RBPJ: variants seen among roughly 807,000 people sequenced by gnomAD.
RBPJ encodes recombination signal binding protein for immunoglobulin kappa J region, also known as recombining binding protein suppressor of hairless.
Under a neutral mutation model 67.8 loss-of-function variants are expected in RBPJ, and 9 were observed. The ratio of observed to expected loss-of-function variants is 0.13; its 90% CI spans 0.08 to 0.23. The LOEUF is 0.23. Among genes scored for constraint, RBPJ ranks in the 10% least tolerant of loss-of-function variants. The probability of loss-of-function intolerance (pLI) is 1.00; values close to 1 mark genes in which losing one functional copy is unlikely to be tolerated. For missense variants in RBPJ, 305 were observed against 595.6 expected, an observed-to-expected ratio of 0.51 and a Z score of 5.08; for synonymous variants, 198 against 203.3, an observed-to-expected ratio of 0.97 and a Z score of 0.22.
Position 26,248,150 on chromosome 4 carries a change from G to T in RBPJ, c.-167+84536G>T, listed in dbSNP as rs981949160. 3.3e-5 allele frequency among the ~76,000 whole-genome samples: 5 copies of T among 152,058 alleles called. No individual in the cohort carries two copies. In the East Asian group the frequency reaches 9.6e-4, roughly 29 times the overall value. ...TACTAAAAATACAAAAATTAGCCAGGTGTGGTGGCACACACCTGTAGTCCT... is the reference window on the plus strand; with the variant it reads ...TACTAAAAATACAAAAATTAGCCAGTTGTGGTGGCACACACCTGTAGTCCT... On this transcript the variant is annotated intron_variant, in intron 1 of 4. Coordinates refer to the RBPJ transcript ENST00000512351.
chr4:26,219,313 G>T (rs1285149105), intron 1 of RBPJ, among the ~76,000 whole-genome samples: 1 of 152,172 alleles, frequency 6.6e-6, no homozygotes, highest in African/African-American at 2.4e-5. Context: ...TTAACCTCAA[G>T]CATGGTGATT....
intron 1 of RBPJ, among the ~76,000 whole-genome samples, chr4:26,355,173 C>G (rs1001096678): frequency 2.6e-5 from 4 of 152,118 alleles, no homozygotes; most frequent in Non-Finnish European, 4.4e-5. Context: ...CACTGCCCAC[C>G]TCCCCCTAAT....
At chr4:26,289,384 CAAAAAAAAAA>C (rs60159669) in intron 1 of RBPJ, among the ~76,000 whole-genome samples, 2 of 78,336 alleles carry the variant, frequency 2.6e-5, no homozygotes, top group Non-Finnish European at 4.9e-5. Context: ...GACTTGGTCT[CAAAAAAAAAA>C]AAAAAAAAAA....
intron 1 of RBPJ, among the ~76,000 whole-genome samples, chr4:26,182,461 T>C (rs1318593665): frequency 6.6e-6 from 1 of 152,128 alleles, no homozygotes. Context: ...AAAAGCTTTT[T>C]AAAACTTTTT....
chr4:26,237,356 A>G (rs1448377624), intron 1 of RBPJ, among the ~76,000 whole-genome samples: 2 of 152,236 alleles, frequency 1.3e-5, no homozygotes, highest in Non-Finnish European at 2.9e-5. Flanking sequence ...TCTCAAAAAA[A>G]AAAATCATTA....
In RBPJ at chr4:26,415,744, G is replaced by C. The variant is rs567236155; in HGVS notation, c.321+104G>C. 45 of 1,128,016 alleles carry C rather than the reference G, an allele frequency of 4.0e-5. 1 individual carries two copies. The South Asian group carries it at 6.7e-4, about 17-fold the overall frequency. The allele number at this position is 1,128,016 out of a possible 1,614,324, so 69.9% of individuals were successfully genotyped here. ...AGATTTTTTTCTTTAATAACTATTG[G>C]TAACAATTTCTTGAATATATAAACT... is the stretch of plus-strand genomic sequence containing the variant. On this transcript the variant is annotated intron_variant, in intron 4 of 10. Coordinates refer to ENST00000355476, the MANE Select transcript of RBPJ (RefSeq NM_015874.6).
rs759173409 is a variant in RBPJ at position 26,287,552 on chromosome 4, C to CGGAAAGGAAA, written c.-166-74875_-166-74866dup. ...TGGCTGACAAAGTGAGACCTTGCCT[C>CGGAAAGGAAA]GGAAAGGAAAGGAAAGGAAAGGAAA... is the stretch of plus-strand genomic sequence containing the variant. On this transcript the variant is annotated intron_variant, in intron 1 of 4. Coordinates refer to the RBPJ transcript ENST00000512351. 1.6e-3 allele frequency among the ~76,000 whole-genome samples: 112 copies of CGGAAAGGAAA among 68,824 alleles called. 1 individual carries two copies. The highest frequency in any genetic ancestry group is 1.9e-3 in the Non-Finnish European group (75 of 38,790). 45.2% of individuals were successfully genotyped at this position (68,824 alleles called of 152,430 possible).
chr4:26,407,763 TAAGAG>T (rs1366174838), intron 3 of RBPJ, among the ~76,000 whole-genome samples: 2 of 152,046 alleles, frequency 1.3e-5, no homozygotes, highest in South Asian at 2.1e-4. Flanking sequence ...AGCTTATGCT[TAAGAG>T]AAGGGAAATG....
chr4:26,166,754 C>T (rs1364206611), intron 1 of RBPJ, among the ~76,000 whole-genome samples: 1 of 152,128 alleles, frequency 6.6e-6, no homozygotes, highest in East Asian at 1.9e-4. Context: ...TGGCTCGTTG[C>T]CATTCCTTTT....
At chr4:26,210,257 G>T (rs1331402644) in intron 1 of RBPJ, among the ~76,000 whole-genome samples, 1 of 152,178 alleles carries the variant, frequency 6.6e-6, no homozygotes, top group Non-Finnish European at 1.5e-5. Flanking sequence ...TAGGAAGATT[G>T]TAACTGCCGG....
chr4:26,275,501 G>C (rs1470248031), intron 1 of RBPJ, among the ~76,000 whole-genome samples: 2 of 152,226 alleles, frequency 1.3e-5, no homozygotes, highest in East Asian at 1.9e-4. Context: ...AACCCAGGGG[G>C]ACTATGTGAC....
chr4:26,340,757 G>T (rs1725429477), intron 1 of RBPJ, among the ~76,000 whole-genome samples: 1 of 151,918 alleles, frequency 6.6e-6, no homozygotes, highest in Non-Finnish European at 1.5e-5. Flanking sequence ...TGCTTGGGAG[G>T]CTGAGGCAGG....
intron 1 of RBPJ, among the ~76,000 whole-genome samples, chr4:26,279,785 CT>C (rs1026614295): frequency 0.079 from 9,261 of 116,620 alleles, 637 homozygotes; most frequent in African/African-American, 0.23. Flanking sequence ...TTGAAATTGT[CT>C]TTTTTTTTTT....
intron 1 of RBPJ, among the ~76,000 whole-genome samples, chr4:26,262,922 AC>A (rs2109252405): frequency 6.6e-6 from 1 of 152,284 alleles, no homozygotes; most frequent in South Asian, 2.1e-4. Context: ...CCTGAATGTT[AC>A]CATTCATTTA....
At chr4:26,364,519 G>A (rs1220527868) in intron 1 of RBPJ, among the ~76,000 whole-genome samples, 1 of 149,866 alleles carries the variant, frequency 6.7e-6, no homozygotes, top group African/African-American at 2.4e-5. Context: ...TAGCACTTGA[G>A]AATCCATTTG....
At chr4:26,274,410 G>T (rs980252355) in intron 1 of RBPJ, among the ~76,000 whole-genome samples, 2 of 152,090 alleles carry the variant, frequency 1.3e-5, no homozygotes, top group Non-Finnish European at 2.9e-5. Context: ...GGAGGACTGC[G>T]TGATCCCAGG....
chr4:26,316,511 A>ATATATATTCATG (rs1722631409), upstream of RBPJ, among the ~76,000 whole-genome samples: 2 of 2,450 alleles, frequency 8.2e-4, no homozygotes, highest in South Asian at 0.029. Flanking sequence ...ATATATATTC[A>ATATATATTCATG]TATATATTCA....
chr4:26,166,610 G>A lies in RBPJ; in HGVS notation c.-167+2996G>A, dbSNP rs188641447. On this transcript the variant is annotated intron_variant, in intron 1 of 4. Coordinates refer to the RBPJ transcript ENST00000512351. ...TTTGTTTGAGTTCATTGTAGATTCT[G>A]GATATGAGCCCTATGTCAGATGAGT... 3.3e-4 allele frequency among the ~76,000 whole-genome samples: 50 copies of A among 152,058 alleles called. 1 individual carries two copies. The highest frequency in any genetic ancestry group is 7.7e-4 in the East Asian group (4 of 5,172).
chr4:26,226,661 T>C (rs899443756), intron 1 of RBPJ, among the ~76,000 whole-genome samples: 2 of 152,190 alleles, frequency 1.3e-5, no homozygotes, highest in Non-Finnish European at 2.9e-5. Flanking sequence ...CCAATAGGCA[T>C]GTAACTCTCA....
Sources: gnomAD v4.1 joint callset for allele counts (sites outside exome capture counted in the v4.1 genomes callset) on GRCh38, gnomAD v4.1.1 for gene constraint, MANE v1.5 for transcripts, NCBI Gene and HGNC (gene_info 2026-07-23, HGNC 2026-07-21) for gene names.